GRID1: variants seen among roughly 807,000 people sequenced by gnomAD.
GRID1 encodes the protein glutamate ionotropic receptor delta type subunit 1, also known as glutamate receptor ionotropic, delta-1.
GRID1 carries 28 observed loss-of-function variants against 98.0 expected under a neutral mutation model. The observed-to-expected ratio is 0.29, with a 90% CI of 0.21 to 0.39. The LOEUF is 0.39. Among genes scored for constraint, GRID1 ranks in the 10% least tolerant of loss-of-function variants. The probability of loss-of-function intolerance (pLI) is 1.00; values close to 1 mark genes in which losing one functional copy is unlikely to be tolerated. For synonymous variants in GRID1, 553 were observed against 538.5 expected (o/e 1.03, Z -0.37); for missense variants, 1,111 against 1,340.5 (o/e 0.83, Z 2.67).
chr10:86,097,105 G>C (rs1337746395), intron 4 of GRID1, among the ~76,000 whole-genome samples: 1 of 152,168 alleles, frequency 6.6e-6, no homozygotes, highest in African/African-American at 2.4e-5. Context: ...GCCTTAAAGT[G>C]TGAGTGACAC....
intron 2 of GRID1, among the ~76,000 whole-genome samples, chr10:86,324,710 G>A (rs4934181): frequency 0.52 from 79,316 of 151,996 alleles, 23,926 homozygotes; most frequent in Non-Finnish European, 0.67. Flanking sequence ...AAAATGGCAA[G>A]GAAAAGTCCA....
chr10:86,304,496 G>A (rs1437115865), intron 2 of GRID1, among the ~76,000 whole-genome samples: 1 of 152,184 alleles, frequency 6.6e-6, no homozygotes, highest in African/African-American at 2.4e-5. Flanking sequence ...GTAGGCACCT[G>A]CTAAGCCCCA....
At chr10:85,966,526 A>G (rs563648913) in intron 4 of GRID1, among the ~76,000 whole-genome samples, 14 of 152,148 alleles carry the variant, frequency 9.2e-5, no homozygotes, top group Non-Finnish European at 1.6e-4. Flanking sequence ...ATCTAAAGAG[A>G]TATCTGGCCA....
intron 8 of GRID1, among the ~76,000 whole-genome samples, chr10:85,825,630 T>TTACATTTGACATG (rs1183852846): frequency 2.6e-5 from 4 of 152,220 alleles, no homozygotes; most frequent in Non-Finnish European, 5.9e-5. Flanking sequence ...GTCAAATGTA[T>TTACATTTGACATG]TAGTTAATCT....
intron 8 of GRID1, among the ~76,000 whole-genome samples, chr10:85,754,180 G>A (rs549910811): frequency 6.6e-6 from 1 of 152,234 alleles, no homozygotes; most frequent in East Asian, 1.9e-4. Flanking sequence ...CTCAACAGAT[G>A]GGGGGAGGGG....
intron 8 of GRID1, among the ~76,000 whole-genome samples, chr10:85,768,728 T>G (rs1842222826): frequency 6.6e-6 from 1 of 152,218 alleles, no homozygotes; most frequent in Non-Finnish European, 1.5e-5. Context: ...AATCCCAGTT[T>G]GGTAAAGCAC....
At chr10:85,623,092 C>G (rs1842875562) in intron 13 of GRID1, among the ~76,000 whole-genome samples, 1 of 152,220 alleles carries the variant, frequency 6.6e-6, no homozygotes, top group Admixed American at 6.5e-5. Flanking sequence ...TAAATGTCGT[C>G]TTCACTTCCT....
intron 3 of GRID1, among the ~76,000 whole-genome samples, chr10:86,176,277 T>C (rs1294184367): frequency 2.6e-5 from 4 of 152,148 alleles, no homozygotes; most frequent in Non-Finnish European, 5.9e-5. Context: ...AAATGAATAA[T>C]AGCACAGTGT....
intron 12 of GRID1, among the ~76,000 whole-genome samples, chr10:85,673,798 G>C (rs1030309478): frequency 2.0e-5 from 3 of 152,100 alleles, no homozygotes; most frequent in Non-Finnish European, 4.4e-5. Context: ...AGATGATCTG[G>C]ACTTGAACAA....
chr10:86,359,523 T>TATTCTTGGTA (rs1848575325), intron 2 of GRID1, among the ~76,000 whole-genome samples: 1 of 152,276 alleles, frequency 6.6e-6, no homozygotes, highest in African/African-American at 2.4e-5. Flanking sequence ...AACCACAAGC[T>TATTCTTGGTA]ATTCTTGGTA....
chr10:86,235,272 C>A (rs1209954539), intron 2 of GRID1, among the ~76,000 whole-genome samples: 1 of 152,248 alleles, frequency 6.6e-6, no homozygotes, highest in Non-Finnish European at 1.5e-5. Context: ...CTGCCCGAGG[C>A]TGACCTCTCT....
intron 5 of GRID1, among the ~76,000 whole-genome samples, chr10:85,906,601 T>C (rs934705562): frequency 1.2e-4 from 19 of 152,198 alleles, no homozygotes; most frequent in African/African-American, 4.3e-4. Flanking sequence ...GAAAGATTTC[T>C]TTAAAATCCC....
rs763688764 is a variant in GRID1 at position 85,869,116 on chromosome 10, C to T, written c.845G>A (p.Arg282Gln). ...GTCCTTTGCAGACGGAAAGATTTGC[C>T]GGACCACGGTCATCCTTCCAAGGGC... ...HSALGRMTVV[R>Q]QIFPSAKDNQ... The change falls in exon 6 of 16, where the codon CGG becomes CAG. Residue 282 changes from arginine (R) to glutamine (Q), a missense_variant. Physicochemically the swap from Arg to Gln is conservative, Grantham distance 43. Around this residue, in one of 3 missense-constraint regions of GRID1, gnomAD observed 346 missense variants for 452.3 expected, o/e 0.76. Transcript: ENST00000327946. The T allele has an allele frequency of 6.2e-7, 1 of 1,613,744 alleles. No homozygotes were observed.
At chr10:85,644,969 T>G (rs1292482319) in intron 13 of GRID1, among the ~76,000 whole-genome samples, 1 of 152,252 alleles carries the variant, frequency 6.6e-6, no homozygotes, top group African/African-American at 2.4e-5. Context: ...GGAAGGCCTG[T>G]GCAAGCCTCT....
intron 12 of GRID1, among the ~76,000 whole-genome samples, chr10:85,668,338 G>A (rs1841046996): frequency 6.6e-6 from 1 of 152,194 alleles, no homozygotes; most frequent in Non-Finnish European, 1.5e-5. Flanking sequence ...GTATATGTGT[G>A]GTTGGCTACC....
intron 4 of GRID1, among the ~76,000 whole-genome samples, chr10:86,126,256 T>C (rs902449005): frequency 2.6e-5 from 4 of 151,964 alleles, no homozygotes; most frequent in East Asian, 1.9e-4. Flanking sequence ...CAGTTCAAGA[T>C]CAGCCTGGCC....
At chr10:85,748,870 T>C (rs1842021814) in intron 8 of GRID1, among the ~76,000 whole-genome samples, 1 of 152,154 alleles carries the variant, frequency 6.6e-6, no homozygotes, top group African/African-American at 2.4e-5. Flanking sequence ...TAATCTTTTA[T>C]TTTCCAAATA....
intron 8 of GRID1, among the ~76,000 whole-genome samples, chr10:85,791,121 C>T (rs1414827200): frequency 3.3e-5 from 5 of 152,216 alleles, no homozygotes; most frequent in Admixed American, 6.5e-5. Context: ...CACCTGGCAG[C>T]TCAGGTCCGA....
At chr10:85,983,947 G>A (rs74492877) in intron 4 of GRID1, among the ~76,000 whole-genome samples, 8,515 of 152,124 alleles carry the variant, frequency 0.056, 305 homozygotes, top group Middle Eastern at 0.092. Flanking sequence ...CCCTCATCAT[G>A]GCCAGCTGAA....
Sources: allele counts gnomAD v4.1 joint callset (sites outside exome capture counted in the v4.1 genomes callset), GRCh38; gene constraint gnomAD v4.1.1; regional missense constraint gnomAD v4.1.1; transcripts MANE v1.5; gene names NCBI Gene and HGNC (gene_info 2026-07-23, HGNC 2026-07-21).